CPNE8: variants seen among roughly 807,000 people sequenced by gnomAD.
The protein encoded by CPNE8 is copine 8.
A neutral mutation model predicts 81.5 loss-of-function variants in CPNE8; 45 were observed. That is an observed-to-expected ratio of 0.55 (90% CI 0.44 to 0.71). The LOEUF (loss-of-function observed/expected upper bound fraction) is 0.71. Ranked by LOEUF, CPNE8 falls within the 30% of genes least tolerant of loss-of-function variation. CPNE8 has a pLI of 0.00. For synonymous variants in CPNE8, 252 were observed against 226.3 expected (o/e 1.11, Z -1.02); for missense variants, 594 against 672.1 (o/e 0.88, Z 1.28).
At chr12:38,661,989 GTATAGAA>G (rs1382960293) in intron 19 of CPNE8, among the ~76,000 whole-genome samples, 4 of 151,564 alleles carry the variant, frequency 2.6e-5, no homozygotes, top group Non-Finnish European at 5.9e-5. Context: ...TGTAAATTAG[GTATAGAA>G]GGAAAATACC....
intron 13 of CPNE8, among the ~76,000 whole-genome samples, chr12:38,714,556 T>A (rs945273202): frequency 6.6e-6 from 1 of 151,818 alleles, no homozygotes; most frequent in African/African-American, 2.4e-5. Context: ...TTCTTCTGTC[T>A]AGAAAATAAA....
At chr12:38,833,554 C>T (rs1048395461) in intron 5 of CPNE8, among the ~76,000 whole-genome samples, 2 of 146,550 alleles carry the variant, frequency 1.4e-5, no homozygotes, top group Non-Finnish European at 3.0e-5. Context: ...TCTCGGTTCA[C>T]TGCAAGCTCC....
rs1941501115 is a variant in CPNE8, at chr12:38,758,175, T to TG, written c.722+2671dup. Among the ~76,000 whole-genome samples, 4 of 151,920 alleles carry TG rather than the reference T, an allele frequency of 2.6e-5. No homozygotes were observed. In the South Asian group the frequency reaches 6.2e-4, roughly 24 times the overall value. On this transcript the variant is annotated intron_variant, in intron 10 of 19. Transcript: ENST00000331366. The stretch of plus-strand genomic sequence containing the variant: ...CTCTCTCTCTCTCTCTCTCTATTCT[T>TG]GCTCTTATTATAGCTCTCATTCGCT...
chr12:38,845,314 T>C (rs1324323661), intron 4 of CPNE8, among the ~76,000 whole-genome samples: 2 of 152,168 alleles, frequency 1.3e-5, no homozygotes, highest in Admixed American at 1.3e-4. Flanking sequence ...CCAGAAACCA[T>C]TCTGGTACGT....
intron 10 of CPNE8, among the ~76,000 whole-genome samples, chr12:38,736,950 C>T (rs1367855302): frequency 2.0e-5 from 3 of 152,042 alleles, no homozygotes; most frequent in East Asian, 1.9e-4. Flanking sequence ...TCCAGTTTCA[C>T]GGATTTTAAA....
intron 1 of CPNE8, among the ~76,000 whole-genome samples, chr12:38,890,567 A>AT (rs1194828826): frequency 2.6e-5 from 4 of 152,028 alleles, no homozygotes; most frequent in East Asian, 1.9e-4. Flanking sequence ...TAAATTGGTG[A>AT]TAAAAAAAAA....
At chr12:38,819,545 A>C (rs965388953) in intron 6 of CPNE8, among the ~76,000 whole-genome samples, 2 of 152,078 alleles carry the variant, frequency 1.3e-5, no homozygotes, top group Admixed American at 6.6e-5. Context: ...AGGCAGGCGG[A>C]TCACAAGGTC....
intron 12 of CPNE8, among the ~76,000 whole-genome samples, chr12:38,724,403 A>G (rs1940645211): frequency 6.6e-6 from 1 of 152,106 alleles, no homozygotes; most frequent in South Asian, 2.1e-4. Flanking sequence ...TGCCTTCTGT[A>G]CTGATTTAGT....
intron 19 of CPNE8, among the ~76,000 whole-genome samples, chr12:38,658,835 A>T (rs1380813697): frequency 6.6e-6 from 1 of 152,222 alleles, no homozygotes; most frequent in Non-Finnish European, 1.5e-5. Context: ...AAACCTTTAC[A>T]GGCAAGCACA....
intron 10 of CPNE8, among the ~76,000 whole-genome samples, chr12:38,736,650 C>A (rs1403204333): frequency 1.3e-5 from 2 of 151,842 alleles, no homozygotes; most frequent in African/African-American, 2.4e-5. Flanking sequence ...AATATAAACA[C>A]CTTTAATTCA....
intron 6 of CPNE8, among the ~76,000 whole-genome samples, chr12:38,825,380 TA>T (rs1277705189): frequency 6.6e-6 from 1 of 151,958 alleles, no homozygotes; most frequent in Non-Finnish European, 1.5e-5. Flanking sequence ...AGTTAAAAAG[TA>T]AAAAAAGTGA....
intron 5 of CPNE8, among the ~76,000 whole-genome samples, chr12:38,835,269 C>G (rs1943361574): frequency 6.6e-6 from 1 of 152,096 alleles, no homozygotes; most frequent in Non-Finnish European, 1.5e-5. Context: ...ATCATTCCCT[C>G]CTTCTCCTCA....
intron 6 of CPNE8, among the ~76,000 whole-genome samples, chr12:38,798,565 GAAC>G: frequency 6.6e-6 from 1 of 152,070 alleles, no homozygotes; most frequent in Non-Finnish European, 1.5e-5. Flanking sequence ...AACATGGAAA[GAAC>G]AACCGGTACC....
At chr12:38,735,645 A>C (rs1302869605) in intron 10 of CPNE8, among the ~76,000 whole-genome samples, 2 of 152,066 alleles carry the variant, frequency 1.3e-5, no homozygotes, top group Admixed American at 1.3e-4. Flanking sequence ...TTAAAACATC[A>C]ACACAATCAA....
At chr12:38,802,964 T>C (rs982289823) in intron 6 of CPNE8, among the ~76,000 whole-genome samples, 3 of 145,286 alleles carry the variant, frequency 2.1e-5, no homozygotes, top group Non-Finnish European at 4.5e-5. Context: ...CAGGAAGAAG[T>C]TGAATCTCTG....
chr12:38,657,578 T>G (rs188189658), intron 19 of CPNE8, among the ~76,000 whole-genome samples: 19 of 152,286 alleles, frequency 1.2e-4, no homozygotes, highest in African/African-American at 4.6e-4. Context: ...CCTCCTCAAG[T>G]GGGTCCCTGA....
chr12:38,844,722 T>G (rs1014721215), intron 4 of CPNE8, among the ~76,000 whole-genome samples: 1 of 152,172 alleles, frequency 6.6e-6, no homozygotes, highest in African/African-American at 2.4e-5. Context: ...CTCACTGTCG[T>G]TACAATTATT....
At position 38,671,020 on chromosome 12, in the gene CPNE8, T is replaced by C. The variant is rs1591999919; in HGVS notation, c.1433-218A>G. 3 of 471,096 alleles carry C rather than the reference T, an allele frequency of 6.4e-6. No individual in the cohort carries two copies. The East Asian group carries it at 1.2e-4, about 19-fold the overall frequency. 29.2% of individuals were successfully genotyped at this position (471,096 alleles called of 1,614,324 possible). On this transcript the variant is annotated intron_variant, in intron 18 of 19. Transcript: ENST00000331366. ...AGTGAACCAAGATCTTTTGTGACTC[T>C]TTGAAAGGTGAGCAGAGCCAGTCTC...
At chr12:38,734,131 T>C (rs573390078) in intron 10 of CPNE8, among the ~76,000 whole-genome samples, 21 of 152,132 alleles carry the variant, frequency 1.4e-4, no homozygotes, top group South Asian at 2.1e-4. Context: ...TCTTCACCTA[T>C]GTTTTGAAGG....
Sources: allele counts gnomAD v4.1 joint callset (sites outside exome capture counted in the v4.1 genomes callset), GRCh38; gene constraint gnomAD v4.1.1; transcripts MANE v1.5; gene names NCBI Gene and HGNC (gene_info 2026-07-23, HGNC 2026-07-21).